The following PRELID2 variants were observed in gnomAD, a reference collection of about 807,000 sequenced individuals.
PRELID2 encodes PRELI domain containing 2, also known as PRELI domain-containing protein 2.
A neutral mutation model predicts 28.4 loss-of-function variants in PRELID2; 25 were observed. The observed-to-expected ratio is 0.88, with a 90% confidence interval of 0.64 to 1.23. The LOEUF is 1.23. PRELID2 is among the 50% of genes most tolerant of loss of function. PRELID2 has a pLI of 0.00. For synonymous variants in PRELID2, 76 were observed against 71.6 expected (o/e 1.06, Z -0.31); for missense variants, 201 against 214.4 (o/e 0.94, Z 0.39).
chr5:145,767,825 A>G (rs997348002), intron 5 of PRELID2, among the ~76,000 whole-genome samples: 2 of 152,186 alleles, frequency 1.3e-5, no homozygotes, highest in African/African-American at 4.8e-5. Flanking sequence ...GCAGCTTTAC[A>G]CCATCTCTTC....
chr5:145,335,676 A>ATAT, the PRELID2 span, among the ~76,000 whole-genome samples: 1 of 152,214 alleles, frequency 6.6e-6, no homozygotes, highest in East Asian at 1.9e-4. Context: ...CAACTACCAA[A>ATAT]ACCAATGGAA....
At chr5:145,582,508 A>C (rs1753115759) in intron 1 of PRELID2, among the ~76,000 whole-genome samples, 1 of 152,020 alleles carries the variant, frequency 6.6e-6, no homozygotes, top group Non-Finnish European at 1.5e-5. Flanking sequence ...TGGGGATTAC[A>C]AGCCAAGATG....
chr5:145,522,979 A>T (rs1161406976), intron 1 of PRELID2, among the ~76,000 whole-genome samples: 1 of 152,196 alleles, frequency 6.6e-6, no homozygotes, highest in Non-Finnish European at 1.5e-5. Flanking sequence ...CCCTTTAAAG[A>T]TCACCTTAAA....
the PRELID2 span, among the ~76,000 whole-genome samples, chr5:145,304,373 A>AT: frequency 4.6e-5 from 7 of 152,170 alleles, no homozygotes; most frequent in African/African-American, 1.7e-4. Flanking sequence ...AACAAAATTT[A>AT]TTTATAATCT....
At chr5:145,351,995 G>A in the PRELID2 span, among the ~76,000 whole-genome samples, 5 of 152,170 alleles carry the variant, frequency 3.3e-5, no homozygotes, top group Non-Finnish European at 7.4e-5. Flanking sequence ...CCACCCCTGT[G>A]GCTTTGCAGG....
chr5:145,796,263 T>C (rs1315461917), intron 5 of PRELID2, 179 bp downstream of exon 5: 1 of 423,496 alleles, frequency 2.4e-6, no homozygotes, highest in Non-Finnish European at 4.2e-6. Context: ...AATGCCACTT[T>C]AGTTTTACTT....
chr5:145,607,524 G>C (rs976825570), intron 1 of PRELID2, among the ~76,000 whole-genome samples: 1 of 152,082 alleles, frequency 6.6e-6, no homozygotes, highest in African/African-American at 2.4e-5. Context: ...TTCAGGAACA[G>C]GTTGCTTAAT....
intron 3 of PRELID2, among the ~76,000 whole-genome samples, chr5:145,818,621 G>C (rs537634860): frequency 6.6e-6 from 1 of 152,106 alleles, no homozygotes; most frequent in African/African-American, 2.4e-5. Context: ...GCAAAGGCAG[G>C]GTACACACTC....
chr5:145,585,692 G>T (rs1167348264), intron 1 of PRELID2, among the ~76,000 whole-genome samples: 7 of 152,068 alleles, frequency 4.6e-5, no homozygotes, highest in East Asian at 1.9e-4. Context: ...CTAAAAACAG[G>T]TTAACCAAGT....
At chr5:145,229,816 T>C in the PRELID2 span, 1 of 759,558 alleles carries the variant, frequency 1.3e-6, no homozygotes, top group East Asian at 2.4e-5. Flanking sequence ...TGTGAATTTG[T>C]CCGCCCCTGC....
At chr5:145,526,998 A>G (rs1580968337) in intron 1 of PRELID2, among the ~76,000 whole-genome samples, 1 of 152,270 alleles carries the variant, frequency 6.6e-6, no homozygotes, top group South Asian at 2.1e-4. Context: ...GAAAAAGAAT[A>G]CTCACCAGAT....
intron 1 of PRELID2, among the ~76,000 whole-genome samples, chr5:145,550,868 T>G (rs1375791868): frequency 6.6e-6 from 1 of 152,190 alleles, no homozygotes; most frequent in Non-Finnish European, 1.5e-5. Context: ...AACATAATTC[T>G]AGATAATCTG....
At chr5:145,247,050 G>A in the PRELID2 span, among the ~76,000 whole-genome samples, 1 of 152,130 alleles carries the variant, frequency 6.6e-6, no homozygotes, top group Non-Finnish European at 1.5e-5. Context: ...TATCACTATT[G>A]TAAAACTTCA....
At chr5:145,560,858 C>T (rs7730475) in intron 1 of PRELID2, among the ~76,000 whole-genome samples, 28,890 of 152,102 alleles carry the variant, frequency 0.19, 4,046 homozygotes, top group African/African-American at 0.4. Flanking sequence ...TACAATCCAT[C>T]TGGGAGGGAC....
At chr5:145,482,978 C>T (rs554503948) in intron 1 of PRELID2, among the ~76,000 whole-genome samples, 14 of 152,198 alleles carry the variant, frequency 9.2e-5, no homozygotes, top group South Asian at 2.1e-4. Flanking sequence ...GATGAAGTTT[C>T]GCTGGCTCAC....
chr5:145,547,854 T>C (rs1381417669), intron 1 of PRELID2, among the ~76,000 whole-genome samples: 1 of 152,182 alleles, frequency 6.6e-6, no homozygotes, highest in Non-Finnish European at 1.5e-5. Context: ...CATACAGAGA[T>C]CATCTGCCAA....
the PRELID2 span, among the ~76,000 whole-genome samples, chr5:145,454,901 T>G: frequency 6.6e-6 from 1 of 152,184 alleles, no homozygotes; most frequent in Non-Finnish European, 1.5e-5. Context: ...ATGGATAGAT[T>G]GCAAAAATTT....
chr5:145,463,053 T>C, the PRELID2 span, among the ~76,000 whole-genome samples: 2 of 152,174 alleles, frequency 1.3e-5, no homozygotes, highest in Non-Finnish European at 2.9e-5. Context: ...TGATTTGAAA[T>C]TTTATGTTGA....
chr5:145,760,253 T>G lies in PRELID2; in HGVS notation c.*283A>C, dbSNP rs6867440. 134,772 of 152,092 alleles carry G rather than the reference T, an allele frequency of 0.89. 59,752 individuals carry two copies. The highest frequency in any genetic ancestry group is 0.99 in the East Asian group (5,107 of 5,158). The allele number at this position is 152,092 out of a possible 1,614,324, so 9.4% of individuals were successfully genotyped here. On this transcript the variant is annotated 3_prime_UTR_variant, in exon 7 of 7. Coordinates refer to ENST00000683046, the MANE Select transcript of PRELID2 (RefSeq NM_205846.3). ...GGAAGGGCACACATATCTTACATGGTTCTTTTTTCCTTTATTTGTAAAATT... is the reference window on the plus strand; with the variant it reads ...GGAAGGGCACACATATCTTACATGGGTCTTTTTTCCTTTATTTGTAAAATT...
Sources: allele counts gnomAD v4.1 joint callset (sites outside exome capture counted in the v4.1 genomes callset), GRCh38; gene constraint gnomAD v4.1.1; transcripts MANE v1.5; gene names NCBI Gene and HGNC (gene_info 2026-07-23, HGNC 2026-07-21).